Variants in STPG2 observed in about 807,000 individuals in gnomAD.
STPG2 encodes the protein sperm-tail PG-rich repeat-containing protein 2.
A neutral mutation model predicts 54.2 loss-of-function variants in STPG2; 56 were observed. The observed-to-expected ratio is 1.03, with a 90% confidence interval of 0.83 to 1.29. STPG2 has a LOEUF of 1.29. Ranked by LOEUF, STPG2 falls within the 50% of genes most tolerant of loss-of-function variation. The probability of loss-of-function intolerance (pLI) is 0.00; values close to 1 mark genes in which losing one functional copy is unlikely to be tolerated. For synonymous variants in STPG2, 200 were observed against 181.8 expected (o/e 1.10, Z -0.81); for missense variants, 596 against 544.9 (o/e 1.09, Z -0.93).
chr4:97,575,938 T>C (rs1472087011), intron 10 of STPG2, among the ~76,000 whole-genome samples: 1 of 152,088 alleles, frequency 6.6e-6, no homozygotes, highest in Non-Finnish European at 1.5e-5. Context: ...AAAATCAATA[T>C]ATAAAAATCT....
intron 10 of STPG2, among the ~76,000 whole-genome samples, chr4:97,609,814 C>T (rs890884695): frequency 6.6e-6 from 1 of 151,820 alleles, no homozygotes; most frequent in Admixed American, 6.6e-5. Flanking sequence ...ATTAATGTTA[C>T]GTACATGTTG....
In STPG2 at chr4:97,920,683, C is replaced by T. The variant is rs568640354; in HGVS notation, c.1044+23214G>A. Among the ~76,000 whole-genome samples, 7 of 152,070 alleles carry T rather than the reference C, an allele frequency of 4.6e-5. No homozygotes were observed. In the East Asian group the frequency reaches 1.2e-3, roughly 25 times the overall value. ...CCAACAAATAAAGAACCCTGAACAG[C>T]TGACAACCTGGCTGAGAGTAAAGGA... On this transcript the variant is annotated intron_variant, in intron 8 of 10. Coordinates refer to ENST00000295268, the MANE Select transcript of STPG2 (RefSeq NM_174952.3).
chr4:97,902,120 C>G (rs1259778098), intron 8 of STPG2, among the ~76,000 whole-genome samples: 2 of 151,888 alleles, frequency 1.3e-5, no homozygotes, highest in African/African-American at 4.8e-5. Context: ...AGAATAAAAT[C>G]AGATCCTTAA....
At chr4:98,046,966 G>T (rs901649655) in intron 5 of STPG2, among the ~76,000 whole-genome samples, 1 of 152,206 alleles carries the variant, frequency 6.6e-6, no homozygotes, top group Admixed American at 6.5e-5. Flanking sequence ...GCTGCCAGAT[G>T]TGAGCTAATT....
chr4:97,648,832 A>G (rs1031048884), intron 10 of STPG2, among the ~76,000 whole-genome samples: 4 of 152,156 alleles, frequency 2.6e-5, no homozygotes, highest in African/African-American at 9.6e-5. Context: ...GATGTTATTA[A>G]TACAATGTAT....
intron 9 of STPG2, among the ~76,000 whole-genome samples, chr4:97,760,832 C>T (rs1165959620): frequency 6.6e-6 from 1 of 152,130 alleles, no homozygotes; most frequent in Non-Finnish European, 1.5e-5. Context: ...TCTTAATGGG[C>T]TAAAATATGG....
chr4:97,529,241 A>G (rs1731358673), intron 4 of STPG2, among the ~76,000 whole-genome samples: 2 of 152,150 alleles, frequency 1.3e-5, no homozygotes, highest in Admixed American at 6.5e-5. Flanking sequence ...GGAGATAATC[A>G]TGTGATTTTT....
chr4:97,859,378 T>G (rs557581259), intron 8 of STPG2, among the ~76,000 whole-genome samples: 6 of 152,186 alleles, frequency 3.9e-5, no homozygotes, highest in Admixed American at 1.3e-4. Flanking sequence ...CTGCTGATTA[T>G]TTCTTTTGCT....
chr4:97,705,862 A>C (rs1723924263), intron 10 of STPG2, among the ~76,000 whole-genome samples: 1 of 152,028 alleles, frequency 6.6e-6, no homozygotes, highest in South Asian at 2.1e-4. Flanking sequence ...GAAATAAATG[A>C]ATATAGCCAT....
intron 9 of STPG2, among the ~76,000 whole-genome samples, chr4:97,839,794 G>A (rs1728742240): frequency 6.6e-6 from 1 of 151,594 alleles, no homozygotes; most frequent in South Asian, 2.1e-4. Context: ...GGCTGTCCAA[G>A]TATTATTTGC....
chr4:97,889,103 T>C (rs1484525680), intron 8 of STPG2, among the ~76,000 whole-genome samples: 2 of 152,190 alleles, frequency 1.3e-5, no homozygotes, highest in Non-Finnish European at 2.9e-5. Context: ...AATTATCCAG[T>C]GTCAGGTATT....
chr4:97,686,805 T>C (rs1723203180), intron 10 of STPG2, among the ~76,000 whole-genome samples: 1 of 152,106 alleles, frequency 6.6e-6, no homozygotes. Flanking sequence ...TTGCACTTAG[T>C]GTTATGGACT....
At chr4:97,450,469 C>T (rs1407975814) in intron 4 of STPG2, among the ~76,000 whole-genome samples, 1 of 151,786 alleles carries the variant, frequency 6.6e-6, no homozygotes, top group Non-Finnish European at 1.5e-5. Context: ...TACATGGAGA[C>T]AAAATAAGAA....
intron 4 of STPG2, among the ~76,000 whole-genome samples, chr4:97,525,414 G>T (rs575100678): frequency 6.6e-6 from 1 of 151,884 alleles, no homozygotes; most frequent in Non-Finnish European, 1.5e-5. Flanking sequence ...GTACAATGCA[G>T]AAGGGTTGTG....
chr4:97,940,341 C>T (rs941276915), intron 8 of STPG2, among the ~76,000 whole-genome samples: 1 of 152,066 alleles, frequency 6.6e-6, no homozygotes, highest in Admixed American at 6.6e-5. Context: ...TGACTGTTGG[C>T]CTCTCTAGCA....
intron 5 of STPG2, among the ~76,000 whole-genome samples, chr4:98,024,395 A>G (rs1188703234): frequency 1.3e-5 from 2 of 152,218 alleles, no homozygotes; most frequent in Admixed American, 1.3e-4. Flanking sequence ...CCTATTATTT[A>G]CATAACACCC....
intron 4 of STPG2, among the ~76,000 whole-genome samples, chr4:97,454,890 A>G (rs1729476672): frequency 6.6e-6 from 1 of 152,226 alleles, no homozygotes; most frequent in Non-Finnish European, 1.5e-5. Context: ...TATAGAAAAA[A>G]TAGAATGCTG....
At position 98,104,159 on chromosome 4, in the gene STPG2, T is replaced by C. The variant is rs144920583; in HGVS notation, c.612+1794A>G. ...ATGCACAATCAGTGTCAGCATTTAG[T>C]TGTGTATATAACAAAACAATGGAAA... On this transcript the variant is annotated intron_variant, in intron 5 of 10. Coordinates refer to ENST00000295268, the MANE Select transcript of STPG2 (RefSeq NM_174952.3). Among the ~76,000 whole-genome samples, 646 of 152,234 alleles carry C rather than the reference T, an allele frequency of 4.2e-3. 3 individuals carry two copies. The highest frequency in any genetic ancestry group is 0.024 in the South Asian group (118 of 4,820).
chr4:97,783,781 G>A (rs1206640571), intron 9 of STPG2, among the ~76,000 whole-genome samples: 1 of 152,160 alleles, frequency 6.6e-6, no homozygotes, highest in Non-Finnish European at 1.5e-5. Context: ...TAGAGACGTG[G>A]ATGAAGCTGG....
Sources: gnomAD v4.1 joint callset for allele counts (sites outside exome capture counted in the v4.1 genomes callset) on GRCh38, gnomAD v4.1.1 for gene constraint, MANE v1.5 for transcripts, NCBI Gene and HGNC (gene_info 2026-07-23, HGNC 2026-07-21) for gene names.